Variants in MUSK observed in about 807,000 individuals in gnomAD.
The protein encoded by MUSK is muscle, skeletal receptor tyrosine-protein kinase.
Under a neutral mutation model 88.7 loss-of-function variants are expected in MUSK, and 55 were observed. That is an observed-to-expected ratio of 0.62 (90% CI 0.50 to 0.78). MUSK has a LOEUF of 0.78. Among genes scored for constraint, MUSK ranks in the 30% least tolerant of loss-of-function variants. The pLI is 0.00. For synonymous variants in MUSK, 387 were observed against 391.9 expected (o/e 0.99, Z 0.15); for missense variants, 1,015 against 1,074.3 (o/e 0.94, Z 0.77).
At chr9:110,750,813 G>A (rs2077238337) in intron 7 of MUSK, among the ~76,000 whole-genome samples, 1 of 152,156 alleles carries the variant, frequency 6.6e-6, no homozygotes. Flanking sequence ...TCCTAAATAA[G>A]AAGTTAGAAA....
chr9:110,711,869 G>C lies in MUSK; in HGVS notation c.628+14403G>C, dbSNP rs77640358. ...TGGAAAATTGTGTGTTGTCATTCTA[G>C]AGCACACCTGTGTTGTGTGATTCCA... On this transcript the variant is annotated intron_variant, in intron 5 of 14. Coordinates refer to ENST00000374448, the MANE Select transcript of MUSK (RefSeq NM_005592.4). Among the ~76,000 whole-genome samples, 1,448 of 152,250 alleles carry C rather than the reference G, an allele frequency of 9.5e-3. 20 individuals carry two copies. The highest frequency in any genetic ancestry group is 0.033 in the African/African-American group (1,383 of 41,534).
At chr9:110,721,664 T>A (rs2076812030) in intron 5 of MUSK, among the ~76,000 whole-genome samples, 1 of 152,136 alleles carries the variant, frequency 6.6e-6, no homozygotes, top group Non-Finnish European at 1.5e-5. Flanking sequence ...ATGACCATAC[T>A]GCCTAAAGCA....
In MUSK at chr9:110,690,624, GTA is replaced by G. The variant is rs377420485; in HGVS notation, c.358+3365_358+3366del. Reference sequence around the variant, plus strand: ...TATAAATATATATATTTAAATATAAGTATATATATAAATATATATATTTAAAT... The same window carrying G: ...TATAAATATATATATTTAAATATAAGTATATATAAATATATATATTTAAAT... On this transcript the variant is annotated intron_variant, in intron 3 of 14. Coordinates refer to ENST00000374448, the MANE Select transcript of MUSK (RefSeq NM_005592.4). Among the ~76,000 whole-genome samples, 62 of 12,988 alleles carry G rather than the reference GTA, an allele frequency of 4.8e-3. 6 individuals are homozygous for G. Among genetic ancestry groups the G allele is most frequent in the African/African-American group, 0.024 (59 of 2,426 alleles). The allele number at this position is 12,988 out of a possible 152,430, so 8.5% of individuals were successfully genotyped here.
At chr9:110,702,080 G>A (rs72754593) in intron 5 of MUSK, among the ~76,000 whole-genome samples, 1,725 of 150,982 alleles carry the variant, frequency 0.011, 22 homozygotes, top group South Asian at 0.029. Context: ...AAATATCCTC[G>A]GATATGAGCC....
chr9:110,727,492 A>G (rs2076901801), intron 5 of MUSK: 1 of 152,892 alleles, frequency 6.5e-6, no homozygotes, highest in East Asian at 1.9e-4. Flanking sequence ...CAGTCAGAGA[A>G]TGGAGTCATC....
chr9:110,768,142 G>A (rs1018424290), intron 9 of MUSK, 59 bp downstream of exon 9: 16 of 1,497,588 alleles, frequency 1.1e-5, no homozygotes, highest in Non-Finnish European at 1.4e-5. Context: ...CACAACAGAA[G>A]GAGTTTTTGA....
Position 110,735,197 on chromosome 9 carries a change from C to G in MUSK, c.753+822C>G, listed in dbSNP as rs185355211. The stretch of plus-strand genomic sequence containing the variant: ...TGGAATTGCCATATGATCCACCAAT[C>G]CACTACTGGGTATACAGTCAAAAGA... On this transcript the variant is annotated intron_variant, in intron 6 of 14. Transcript: ENST00000374448. 7.2e-4 allele frequency among the ~76,000 whole-genome samples: 109 copies of G among 152,174 alleles called. 1 individual carries two copies. Among genetic ancestry groups the G allele is most frequent in the African/African-American group, 2.4e-3 (100 of 41,518 alleles).
chr9:110,752,108 G>A (rs115109394), intron 7 of MUSK, among the ~76,000 whole-genome samples: 140 of 152,142 alleles, frequency 9.2e-4, no homozygotes, highest in African/African-American at 3.2e-3. Context: ...AAAATTTCCC[G>A]AGGCAGACCT....
At chr9:110,785,497 C>A in intron 12 of MUSK, 30 bp from the exon 13 acceptor site, 2 of 1,543,320 alleles carry the variant, frequency 1.3e-6, no homozygotes, top group Non-Finnish European at 1.8e-6. Flanking sequence ...CTTCTGAGCT[C>A]ATTCCTGATC....
intron 5 of MUSK, 101 bp from the exon 6 acceptor site, chr9:110,734,150 T>G (rs990891740): frequency 2.3e-6 from 3 of 1,332,360 alleles, no homozygotes; most frequent in Non-Finnish European, 3.1e-6. Flanking sequence ...ACTGAAGAAC[T>G]GCACACAGGG....
At chr9:110,749,489 A>C (rs1038135864) in intron 7 of MUSK, among the ~76,000 whole-genome samples, 8 of 152,216 alleles carry the variant, frequency 5.3e-5, no homozygotes, top group African/African-American at 1.7e-4. Flanking sequence ...AGTGGAAACA[A>C]AAGTTGAAAC....
intron 5 of MUSK, among the ~76,000 whole-genome samples, chr9:110,701,117 G>A (rs188497423): frequency 2.6e-5 from 4 of 152,292 alleles, no homozygotes; most frequent in Admixed American, 1.3e-4. Context: ...AGGGAAGGGG[G>A]TGAGGATGAA....
chr9:110,744,155 G>T lies in MUSK; in HGVS notation c.754-3486G>T, dbSNP rs573899626. 5.3e-5 allele frequency among the ~76,000 whole-genome samples: 8 copies of T among 152,216 alleles called. No homozygotes were observed. In the East Asian group the frequency reaches 1.4e-3, roughly 26 times the overall value. On this transcript the variant is annotated intron_variant, in intron 6 of 14. Coordinates refer to ENST00000374448, the MANE Select transcript of MUSK (RefSeq NM_005592.4). ...GCTAACTTTTTGTATTCTTAGTAGAGACAGGGTTTCACCATGTGAGCCAGG... is the reference window on the plus strand; with the variant it reads ...GCTAACTTTTTGTATTCTTAGTAGATACAGGGTTTCACCATGTGAGCCAGG...
intron 7 of MUSK, among the ~76,000 whole-genome samples, chr9:110,752,180 AT>A (rs2077256614): frequency 6.6e-6 from 1 of 151,908 alleles, no homozygotes; most frequent in South Asian, 2.1e-4. Flanking sequence ...GACAACTTCC[AT>A]TTTCTCTTCC....
chr9:110,712,591 T>G (rs1445065867), intron 5 of MUSK, among the ~76,000 whole-genome samples: 1 of 152,184 alleles, frequency 6.6e-6, no homozygotes, highest in Non-Finnish European at 1.5e-5. Context: ...ATGTTAGTGC[T>G]TTTTAACAAC....
Position 110,788,720 on chromosome 9 carries a change from T to A in MUSK, c.1927+882T>A, listed in dbSNP as rs2077920773. Among the ~76,000 whole-genome samples the A allele has an allele frequency of 3.4e-5, 5 of 148,222 alleles. No individual in the cohort carries two copies. In the South Asian group the frequency reaches 8.5e-4, roughly 25 times the overall value. ...ACAGATAATAAAAAAAAAACAAAAA[T>A]ATGGGATGCTGGATATTAAGTTCTA... On this transcript the variant is annotated intron_variant, in intron 14 of 14. Coordinates refer to ENST00000374448, the MANE Select transcript of MUSK (RefSeq NM_005592.4).
At chr9:110,758,925 A>G (rs2077362106) in intron 7 of MUSK, among the ~76,000 whole-genome samples, 1 of 152,190 alleles carries the variant, frequency 6.6e-6, no homozygotes, top group Admixed American at 6.5e-5. Flanking sequence ...TATAGATTCA[A>G]TGCTACTGCT....
chr9:110,693,618 C>T lies in MUSK; in HGVS notation c.359-1785C>T, dbSNP rs545797124. On this transcript the variant is annotated intron_variant, in intron 3 of 14. Coordinates refer to ENST00000374448, the MANE Select transcript of MUSK (RefSeq NM_005592.4). ...CTTACAGTGGGGATCCATGGCTATG[C>T]GTCAATACCCTAGTCATTCCTAGTT... is the stretch of plus-strand genomic sequence containing the variant. 2.0e-5 allele frequency among the ~76,000 whole-genome samples: 3 copies of T among 152,324 alleles called. No homozygotes were observed. The East Asian group carries it at 5.8e-4, about 29-fold the overall frequency.
At chr9:110,768,826 T>C (rs2131959612) in intron 9 of MUSK, among the ~76,000 whole-genome samples, 1 of 152,324 alleles carries the variant, frequency 6.6e-6, no homozygotes, top group Non-Finnish European at 1.5e-5. Flanking sequence ...GTTCTGATGC[T>C]GTTGCCTCAT....
Sources: allele counts gnomAD v4.1 joint callset (sites outside exome capture counted in the v4.1 genomes callset), GRCh38; gene constraint gnomAD v4.1.1; transcripts MANE v1.5; gene names NCBI Gene and HGNC (gene_info 2026-07-23, HGNC 2026-07-21).